GRIK2: variants seen among roughly 807,000 people sequenced by gnomAD.
GRIK2 encodes the protein glutamate receptor ionotropic, kainate 2.
Under a neutral mutation model 100.3 loss-of-function variants are expected in GRIK2, and 32 were observed. That is an observed-to-expected ratio of 0.32 (90% CI 0.24 to 0.43). The LOEUF (loss-of-function observed/expected upper bound fraction) is 0.43, where lower values mean the gene tolerates loss of function less well. GRIK2 is among the 20% of genes least tolerant of loss of function. The probability of loss-of-function intolerance (pLI) is 1.00; values close to 1 mark genes in which losing one functional copy is unlikely to be tolerated. For missense variants in GRIK2, 843 were observed against 1,114.9 expected (o/e 0.76, Z 3.47); for synonymous variants, 417 against 389.4 (o/e 1.07, Z -0.83).
chr6:101,456,762 T>C (rs1771032683), intron 2 of GRIK2, among the ~76,000 whole-genome samples: 1 of 152,096 alleles, frequency 6.6e-6, no homozygotes, highest in African/African-American at 2.4e-5. Flanking sequence ...CTTGGATTAT[T>C]GCATTAAGAC....
intron 10 of GRIK2, among the ~76,000 whole-genome samples, chr6:101,838,532 C>A: frequency 6.6e-6 from 1 of 152,160 alleles, no homozygotes; most frequent in Admixed American, 6.5e-5. Flanking sequence ...GTATTACCTA[C>A]GTATCAATAA....
intron 2 of GRIK2, among the ~76,000 whole-genome samples, chr6:101,462,237 T>C (rs548292129): frequency 6.6e-6 from 1 of 152,310 alleles, no homozygotes; most frequent in African/African-American, 2.4e-5. Flanking sequence ...TGTCCCTCAA[T>C]ACATATTTTT....
At chr6:101,709,644 A>G (rs1773566823) in intron 7 of GRIK2, among the ~76,000 whole-genome samples, 1 of 151,846 alleles carries the variant, frequency 6.6e-6, no homozygotes, top group South Asian at 2.1e-4. Context: ...ATATAGAAAA[A>G]AAATGCTTTA....
rs546118918 is a variant in GRIK2, at chr6:101,547,710, A to C, written c.116-74239A>C. ...TATATGTGCCACATTTTCTTAATCC[A>C]GTCTATCATTGTTGGACATTTGGGT... On this transcript the variant is annotated intron_variant, in intron 2 of 16. Coordinates refer to ENST00000369134, the MANE Select transcript of GRIK2 (RefSeq NM_021956.5). Among the ~76,000 whole-genome samples the C allele has an allele frequency of 2.9e-4, 44 of 152,112 alleles. 1 individual carries two copies. The South Asian group carries it at 8.7e-3, about 30-fold the overall frequency.
intron 7 of GRIK2, among the ~76,000 whole-genome samples, chr6:101,785,986 T>A (rs975926584): frequency 6.6e-6 from 1 of 152,120 alleles, no homozygotes; most frequent in African/African-American, 2.4e-5. Flanking sequence ...TCCTCTTCAA[T>A]TTCTTTAATC....
At chr6:101,478,756 C>T (rs1052839768) in intron 2 of GRIK2, among the ~76,000 whole-genome samples, 4 of 151,912 alleles carry the variant, frequency 2.6e-5, no homozygotes, top group Non-Finnish European at 5.9e-5. Flanking sequence ...GATCTCCTGA[C>T]CTCGTGATCC....
intron 2 of GRIK2, among the ~76,000 whole-genome samples, chr6:101,523,016 T>C (rs1393877091): frequency 6.6e-6 from 1 of 152,036 alleles, no homozygotes; most frequent in Non-Finnish European, 1.5e-5. Flanking sequence ...AAGTTGGATT[T>C]ATGTTGATTT....
chr6:101,414,197 T>C (rs1776006561), intron 2 of GRIK2, among the ~76,000 whole-genome samples: 1 of 152,206 alleles, frequency 6.6e-6, no homozygotes, highest in South Asian at 2.1e-4. Context: ...AACCTGTTGT[T>C]TGCATCTTGT....
chr6:101,788,638 C>T (rs1178534988), intron 7 of GRIK2, among the ~76,000 whole-genome samples: 1 of 152,108 alleles, frequency 6.6e-6, no homozygotes, highest in African/African-American at 2.4e-5. Context: ...GGATCCAAGT[C>T]TTTGCTATTG....
chr6:101,878,171 T>C (rs987857713), intron 11 of GRIK2, among the ~76,000 whole-genome samples: 1 of 149,564 alleles, frequency 6.7e-6, no homozygotes, highest in African/African-American at 2.4e-5. Context: ...TGTATTTTTT[T>C]CTTGATGGAA....
intron 7 of GRIK2, among the ~76,000 whole-genome samples, chr6:101,798,339 C>T (rs1398986624): frequency 1.3e-5 from 2 of 151,908 alleles, no homozygotes; most frequent in South Asian, 4.1e-4. Context: ...TCAGTCAAAT[C>T]CTCAGGCTCA....
intron 14 of GRIK2, among the ~76,000 whole-genome samples, chr6:101,929,612 G>C (rs557743509): frequency 2.2e-4 from 34 of 152,214 alleles, no homozygotes; most frequent in African/African-American, 8.2e-4. Context: ...TTATGGTTTA[G>C]TTGGAGACAG....
At chr6:101,964,087 G>C (rs1792503708) in intron 14 of GRIK2, among the ~76,000 whole-genome samples, 1 of 150,958 alleles carries the variant, frequency 6.6e-6, no homozygotes, top group African/African-American at 2.4e-5. Flanking sequence ...ATAATTTGCT[G>C]TATATCTTAG....
chr6:101,972,426 T>A (rs1793108451), intron 14 of GRIK2, among the ~76,000 whole-genome samples: 1 of 152,040 alleles, frequency 6.6e-6, no homozygotes, highest in Admixed American at 6.6e-5. Flanking sequence ...TTCATGTCCT[T>A]TGCCCACTTT....
chr6:101,807,274 G>A (rs1320474979), intron 9 of GRIK2, among the ~76,000 whole-genome samples: 1 of 151,936 alleles, frequency 6.6e-6, no homozygotes, highest in Admixed American at 6.6e-5. Context: ...AGGTCACCCT[G>A]AAGTCGGAAA....
chr6:101,878,472 T>C (rs1786024268), intron 11 of GRIK2, among the ~76,000 whole-genome samples: 2 of 151,908 alleles, frequency 1.3e-5, no homozygotes, highest in African/African-American at 4.8e-5. Context: ...AAATTGCCAT[T>C]TGTATTCCCA....
chr6:101,929,735 C>A (rs1159138997), intron 14 of GRIK2, among the ~76,000 whole-genome samples: 1 of 151,982 alleles, frequency 6.6e-6, no homozygotes, highest in Non-Finnish European at 1.5e-5. Context: ...AAATAAATTT[C>A]TGGAGGACAT....
chr6:101,418,079 T>C (rs1562122947), intron 2 of GRIK2, among the ~76,000 whole-genome samples: 1 of 152,206 alleles, frequency 6.6e-6, no homozygotes, highest in Non-Finnish European at 1.5e-5. Flanking sequence ...AGCCCTAGGC[T>C]TTTATCCACA....
At chr6:101,513,501 T>A (rs1276869898) in intron 2 of GRIK2, among the ~76,000 whole-genome samples, 1 of 152,100 alleles carries the variant, frequency 6.6e-6, no homozygotes, top group African/African-American at 2.4e-5. Context: ...AGATGCAAAT[T>A]TTTCCCCACA....
Sources: gnomAD v4.1 joint callset for allele counts (sites outside exome capture counted in the v4.1 genomes callset) on GRCh38, gnomAD v4.1.1 for gene constraint, MANE v1.5 for transcripts, NCBI Gene and HGNC (gene_info 2026-07-23, HGNC 2026-07-21) for gene names.